The following NTRK3 variants were observed in gnomAD, a reference collection of about 807,000 sequenced individuals.
NTRK3 encodes NT-3 growth factor receptor.
Under a neutral mutation model 91.7 loss-of-function variants are expected in NTRK3, and 24 were observed. That is an observed-to-expected ratio of 0.26 (90% CI 0.19 to 0.37). The LOEUF is 0.37. Among genes scored for constraint, NTRK3 ranks in the 10% least tolerant of loss-of-function variants. The probability of loss-of-function intolerance (pLI) is 1.00; values close to 1 mark genes in which losing one functional copy is unlikely to be tolerated. For synonymous variants in NTRK3, 483 were observed against 404.0 expected (o/e 1.20, Z -2.34); for missense variants, 880 against 1,068.9 (o/e 0.82, Z 2.46).
chr15:88,078,233 G>A (rs1009235254), intron 13 of NTRK3, among the ~76,000 whole-genome samples: 5 of 152,142 alleles, frequency 3.3e-5, no homozygotes, highest in Non-Finnish European at 2.9e-5. Flanking sequence ...TGTATGTTCT[G>A]GGGGTAGAGG....
chr15:88,193,273 C>T (rs928516403), intron 3 of NTRK3, among the ~76,000 whole-genome samples: 4 of 152,122 alleles, frequency 2.6e-5, no homozygotes, highest in African/African-American at 4.8e-5. Context: ...GCTGTGGCCC[C>T]GAGCACACCA....
chr15:88,122,815 C>T (rs2052870221), intron 13 of NTRK3, among the ~76,000 whole-genome samples: 1 of 152,048 alleles, frequency 6.6e-6, no homozygotes, highest in African/African-American at 2.4e-5. Context: ...TCTAACTAGC[C>T]CATTGTTAAT....
chr15:88,092,681 G>A (rs2049134759), intron 13 of NTRK3, among the ~76,000 whole-genome samples: 1 of 152,238 alleles, frequency 6.6e-6, no homozygotes, highest in Admixed American at 6.5e-5. Flanking sequence ...CAAGGCATCA[G>A]TAGGGCTGCA....
chr15:87,906,415 A>C (rs1194207381), intron 17 of NTRK3, among the ~76,000 whole-genome samples: 1 of 152,080 alleles, frequency 6.6e-6, no homozygotes, highest in East Asian at 1.9e-4. Flanking sequence ...ACTTTCTACA[A>C]AGATGCTCCC....
At chr15:88,122,950 T>C (rs918889330) in intron 13 of NTRK3, among the ~76,000 whole-genome samples, 1 of 152,218 alleles carries the variant, frequency 6.6e-6, no homozygotes, top group Non-Finnish European at 1.5e-5. Flanking sequence ...ATTTCTGCCA[T>C]AGGTCGCTCC....
chr15:87,879,192 G>T (rs1012881768), intron 18 of NTRK3, among the ~76,000 whole-genome samples: 1 of 152,146 alleles, frequency 6.6e-6, no homozygotes, highest in African/African-American at 2.4e-5. Flanking sequence ...TAGGAGAGCA[G>T]AGACAAACAT....
At chr15:88,068,959 G>A (rs1310439624) in intron 13 of NTRK3, among the ~76,000 whole-genome samples, 1 of 152,116 alleles carries the variant, frequency 6.6e-6, no homozygotes, top group African/African-American at 2.4e-5. Context: ...AGAAAGAGAG[G>A]TAGGTACGTC....
chr15:88,121,462 A>T (rs761522788), intron 13 of NTRK3, among the ~76,000 whole-genome samples: 2 of 152,238 alleles, frequency 1.3e-5, no homozygotes, highest in Non-Finnish European at 2.9e-5. Flanking sequence ...GCCCAGCCAG[A>T]TCACTGTCAT....
chr15:88,023,896 G>A (rs1003926260), intron 14 of NTRK3, among the ~76,000 whole-genome samples: 1 of 152,192 alleles, frequency 6.6e-6, no homozygotes, highest in Admixed American at 6.5e-5. Flanking sequence ...GTTCCAGGAA[G>A]GGCCCCAGCC....
chr15:88,106,111 C>T (rs1326356160), intron 13 of NTRK3, among the ~76,000 whole-genome samples: 4 of 152,232 alleles, frequency 2.6e-5, no homozygotes, highest in African/African-American at 9.6e-5. Flanking sequence ...TTCCGGCTTA[C>T]CCAGTGGTTT....
chr15:88,166,194 C>A (rs924047680), intron 5 of NTRK3, among the ~76,000 whole-genome samples: 1 of 152,174 alleles, frequency 6.6e-6, no homozygotes, highest in Non-Finnish European at 1.5e-5. Context: ...TCCTACAGCC[C>A]TAGATAATTC....
intron 14 of NTRK3, among the ~76,000 whole-genome samples, chr15:88,001,964 T>C (rs542432497): frequency 6.6e-6 from 1 of 152,068 alleles, no homozygotes; most frequent in Non-Finnish European, 1.5e-5. Context: ...CCAATCAATA[T>C]ACATACATAC....
chr15:88,133,192 A>G (rs2041539203), intron 10 of NTRK3, among the ~76,000 whole-genome samples: 1 of 152,110 alleles, frequency 6.6e-6, no homozygotes, highest in Non-Finnish European at 1.5e-5. Flanking sequence ...CTGATAACTG[A>G]CTATGGTGAC....
At chr15:87,876,827 G>T in exon 19 of NTRK3, 2 of 1,265,806 alleles carry the variant, frequency 1.6e-6, no homozygotes, top group Non-Finnish European at 2.3e-6. Context: ...GAGTTTATAT[G>T]AAGATGTTCG....
intron 13 of NTRK3, among the ~76,000 whole-genome samples, chr15:88,046,663 A>AG (rs3837702): frequency 2.4e-4 from 36 of 152,086 alleles, no homozygotes; most frequent in African/African-American, 8.0e-4. Flanking sequence ...CCGTTTTCTC[A>AG]GGGGGGGTCA....
intron 17 of NTRK3, among the ~76,000 whole-genome samples, chr15:87,889,583 A>G (rs2065744175): frequency 6.6e-6 from 1 of 151,546 alleles, no homozygotes; most frequent in Non-Finnish European, 1.5e-5. Flanking sequence ...TAGTTTCCAT[A>G]TTGTCTATGA....
At chr15:88,209,472 C>T (rs2049060438) in intron 3 of NTRK3, among the ~76,000 whole-genome samples, 1 of 152,220 alleles carries the variant, frequency 6.6e-6, no homozygotes, top group Non-Finnish European at 1.5e-5. Context: ...GAATTCACAT[C>T]CTATACTTGA....
At chr15:88,182,783 G>C (rs764453907) in intron 5 of NTRK3, among the ~76,000 whole-genome samples, 11 of 152,206 alleles carry the variant, frequency 7.2e-5, no homozygotes, top group Non-Finnish European at 1.5e-4. Flanking sequence ...TCGGCTTAGA[G>C]AGGAAGCATC....
rs532966691 is a variant in NTRK3 at position 88,208,305 on chromosome 15, C to T, written c.249-24006G>A. Among the ~76,000 whole-genome samples the T allele has an allele frequency of 7.9e-5, 12 of 152,038 alleles. No individual in the cohort carries two copies. In the South Asian group the frequency reaches 1.9e-3, roughly 24 times the overall value. Reference sequence around the variant, plus strand: ...TCTGACTCCTGCTTGGTCTCCACCCCCTTTGGATGTCCCATTTTAGCTGGA... The same window carrying T: ...TCTGACTCCTGCTTGGTCTCCACCCTCTTTGGATGTCCCATTTTAGCTGGA... On this transcript the variant is annotated intron_variant, in intron 3 of 18. Coordinates refer to ENST00000394480, the Ensembl canonical transcript of NTRK3.
Sources: allele counts gnomAD v4.1 joint callset (sites outside exome capture counted in the v4.1 genomes callset), GRCh38; gene constraint gnomAD v4.1.1; transcripts MANE v1.5; gene names NCBI Gene and HGNC (gene_info 2026-07-23, HGNC 2026-07-21).